Variants in SNRK observed in about 807,000 individuals in gnomAD.
SNRK encodes SNF-related serine/threonine-protein kinase.
SNRK carries 3 observed loss-of-function variants against 48.2 expected under a neutral mutation model. The observed-to-expected ratio is 0.06, with a 90% CI of 0.03 to 0.16. The LOEUF (loss-of-function observed/expected upper bound fraction) is 0.16. SNRK is among the 10% of genes least tolerant of loss of function. The pLI, the probability that SNRK is intolerant of heterozygous loss-of-function variation, is 1.00. For missense variants in SNRK, 627 were observed against 976.0 expected, an observed-to-expected ratio of 0.64 and a Z score of 4.76; for synonymous variants, 376 against 366.1, an observed-to-expected ratio of 1.03 and a Z score of -0.31.
At chr3:43,322,525 C>T (rs2091061476) in intron 3 of SNRK, among the ~76,000 whole-genome samples, 1 of 152,086 alleles carries the variant, frequency 6.6e-6, no homozygotes, top group Non-Finnish European at 1.5e-5. Flanking sequence ...AAATCAATGA[C>T]AAACTCCCCT....
At chr3:43,302,350 C>G (rs2090903671) in intron 2 of SNRK, among the ~76,000 whole-genome samples, 1 of 152,086 alleles carries the variant, frequency 6.6e-6, no homozygotes, top group African/African-American at 2.4e-5. Flanking sequence ...ACAATTACCT[C>G]CTAAACATTT....
chr3:43,343,627 T>C, intron 6 of SNRK, 149 bp downstream of exon 6: 1 of 861,136 alleles, frequency 1.2e-6, no homozygotes, highest in Non-Finnish European at 1.8e-6. Context: ...CACGGGCTCT[T>C]CAGGTGTACA....
chr3:43,312,573 G>A (rs1477321766), intron 3 of SNRK, among the ~76,000 whole-genome samples: 3 of 152,124 alleles, frequency 2.0e-5, no homozygotes, highest in African/African-American at 7.2e-5. Flanking sequence ...ATCCTAAGTT[G>A]AGAAACAAGG....
chr3:43,292,605 A>C (rs2090821255), intron 1 of SNRK, among the ~76,000 whole-genome samples: 2 of 152,048 alleles, frequency 1.3e-5, no homozygotes, highest in African/African-American at 4.8e-5. Context: ...TCTGACTTCC[A>C]CTCCCAAATC....
chr3:43,304,105 G>T (rs1464707651), intron 3 of SNRK, among the ~76,000 whole-genome samples: 1 of 151,838 alleles, frequency 6.6e-6, no homozygotes, highest in Non-Finnish European at 1.5e-5. Flanking sequence ...TTTTCTTTTA[G>T]TGGCTCTCTT....
At chr3:43,295,886 A>C (rs368788891) in intron 1 of SNRK, among the ~76,000 whole-genome samples, 1 of 152,088 alleles carries the variant, frequency 6.6e-6, no homozygotes, top group Admixed American at 6.6e-5. Context: ...CTACAGGCCC[A>C]TGCCACCACG....
intron 4 of SNRK, among the ~76,000 whole-genome samples, chr3:43,339,503 A>G (rs2091216014): frequency 6.6e-6 from 1 of 152,080 alleles, no homozygotes; most frequent in Admixed American, 6.5e-5. Context: ...TGGTGCCTTT[A>G]AATAAAATAG....
intron 4 of SNRK, among the ~76,000 whole-genome samples, chr3:43,339,821 A>G (rs2091219890): frequency 3.8e-4 from 1 of 2,622 alleles, no homozygotes; most frequent in African/African-American, 2.6e-3. Context: ...TTTCCAAAAT[A>G]TATATATATA....
chr3:43,304,136 A>G (rs1198960150), intron 3 of SNRK, among the ~76,000 whole-genome samples: 1 of 152,098 alleles, frequency 6.6e-6, no homozygotes, highest in African/African-American at 2.4e-5. Context: ...CTCTCTGTGC[A>G]TATCGTCTAA....
intron 2 of SNRK, among the ~76,000 whole-genome samples, chr3:43,302,148 G>A (rs1276736528): frequency 6.6e-6 from 1 of 152,136 alleles, no homozygotes; most frequent in African/African-American, 2.4e-5. Context: ...TTAAAAATCA[G>A]CATAACTGCT....
chr3:43,286,842 CGGCCCGGGAGGACGCGG>C (rs1016879731), intron 1 of SNRK, among the ~76,000 whole-genome samples, 167 bp downstream of exon 1: 1 of 145,860 alleles, frequency 6.9e-6, no homozygotes, highest in Non-Finnish European at 1.5e-5. Flanking sequence ...CCGCAGCGCG[CGGCCCGGGAGGACGCGG>C]GGCCCGGGCT....
At chr3:43,323,163 C>A (rs1310293781) in intron 3 of SNRK, among the ~76,000 whole-genome samples, 1 of 151,996 alleles carries the variant, frequency 6.6e-6, no homozygotes, top group Admixed American at 6.6e-5. Flanking sequence ...TGATCAGTAC[C>A]TCACGCCATG....
intron 3 of SNRK, among the ~76,000 whole-genome samples, chr3:43,331,920 A>G (rs1187863634): frequency 6.6e-6 from 1 of 152,204 alleles, no homozygotes; most frequent in Non-Finnish European, 1.5e-5. Context: ...TCTGTTACCA[A>G]AGGCATTAAT....
At chr3:43,345,376 T>G (rs2091267655) in intron 6 of SNRK, among the ~76,000 whole-genome samples, 1 of 152,110 alleles carries the variant, frequency 6.6e-6, no homozygotes, top group African/African-American at 2.4e-5. Context: ...GTATTTAAAA[T>G]GGCAACTAGC....
intron 4 of SNRK, among the ~76,000 whole-genome samples, chr3:43,338,028 G>T (rs1209949184): frequency 6.6e-6 from 1 of 152,188 alleles, no homozygotes; most frequent in African/African-American, 2.4e-5. Flanking sequence ...GCGATGACGG[G>T]TATGAGCCAC....
chr3:43,319,413 G>A (rs567129125), intron 3 of SNRK, among the ~76,000 whole-genome samples: 7 of 152,202 alleles, frequency 4.6e-5, no homozygotes, highest in East Asian at 1.9e-4. Flanking sequence ...TAGATATATC[G>A]AAATCTCGGC....
At chr3:43,292,868 C>CT (rs1311557350) in intron 1 of SNRK, among the ~76,000 whole-genome samples, 1 of 151,898 alleles carries the variant, frequency 6.6e-6, no homozygotes, top group East Asian at 1.9e-4. Context: ...ATTTTCTTTT[C>CT]TTTTTTTTAA....
At chr3:43,300,097 A>G (rs1009786995) in intron 2 of SNRK, among the ~76,000 whole-genome samples, 3 of 152,218 alleles carry the variant, frequency 2.0e-5, no homozygotes, top group Admixed American at 6.5e-5. Flanking sequence ...GTGGTTTCAT[A>G]GACTATGGAA....
chr3:43,337,811 A>G (rs921571675), intron 4 of SNRK, among the ~76,000 whole-genome samples: 1 of 152,168 alleles, frequency 6.6e-6, no homozygotes, highest in Non-Finnish European at 1.5e-5. Context: ...CACTATCAGA[A>G]CAGCATGGGG....
Sources: allele counts gnomAD v4.1 joint callset (sites outside exome capture counted in the v4.1 genomes callset), GRCh38; gene constraint gnomAD v4.1.1; transcripts MANE v1.5; gene names NCBI Gene and HGNC (gene_info 2026-07-23, HGNC 2026-07-21).